NEB: variants seen among roughly 807,000 people sequenced by gnomAD.
NEB encodes nebulin.
NEB carries 512 observed loss-of-function variants against 952.2 expected under a neutral mutation model. That is an observed-to-expected ratio of 0.54 (90% CI 0.50 to 0.58). The LOEUF (loss-of-function observed/expected upper bound fraction) is 0.58, where lower values mean the gene tolerates loss of function less well. NEB is among the 20% of genes least tolerant of loss of function. The pLI is 0.00. For synonymous variants in NEB, 2,900 were observed against 3,149.8 expected, an observed-to-expected ratio of 0.92 and a Z score of 2.66; for missense variants, 8,428 against 9,231.1, an observed-to-expected ratio of 0.91 and a Z score of 3.56.
intron 63 of NEB, among the ~76,000 whole-genome samples, chr2:151,638,552 C>T (rs934581295): frequency 1.3e-5 from 2 of 152,198 alleles, no homozygotes; most frequent in Non-Finnish European, 2.9e-5. Context: ...TGACTCAATA[C>T]ATCAGAAGCT....
In NEB at chr2:151,640,634, G is replaced by A. The variant is rs377170982; in HGVS notation, c.8406C>T (p.Leu2802=). 1.2e-5 allele frequency: 20 copies of A among 1,613,482 alleles called. No homozygotes were observed. Among genetic ancestry groups the A allele is most frequent in the South Asian group, 3.3e-5 (3 of 91,068 alleles). ...FKYKEGYRKQ[L]GHHIGARAIR... ...TAGCTCGGGCACCAATGTGGTGGCC[G>A]AGCTGCTTACGATAGCCTTCTTTGT... is the stretch of plus-strand genomic sequence containing the variant. Residue 2802 remains leucine, a synonymous_variant, in exon 61 of 182, where the codon CTC becomes CTT. Transcript: ENST00000397345.
At chr2:151,583,133 A>G (rs1201624541) in intron 101 of NEB, among the ~76,000 whole-genome samples, 6 of 118,722 alleles carry the variant, frequency 5.1e-5, no homozygotes, top group African/African-American at 1.6e-4. Context: ...ATGAAATCCA[A>G]CATTTCCTTA....
chr2:151,625,395 A>G (rs2098503545), intron 71 of NEB, 139 bp downstream of exon 71: 2 of 488,574 alleles, frequency 4.1e-6, no homozygotes, highest in Non-Finnish European at 7.2e-6. Context: ...AATAATATGT[A>G]TATTCAAGGT....
chr2:151,727,692 G>A lies in NEB; in HGVS notation c.293C>T (p.Pro98Leu), dbSNP rs201473194. 1.1e-4 allele frequency: 173 copies of A among 1,611,016 alleles called. No homozygotes were observed. Among genetic ancestry groups the A allele is most frequent in the Middle Eastern group, 1.7e-4 (1 of 6,032 alleles). The change falls in exon 5 of 182, where the codon CCA (proline) becomes CTA (leucine). Residue 98 changes from proline (P) to leucine (L), a missense_variant and splice_region_variant. Pro to Leu is a moderately conservative substitution (Grantham distance 98). Around this residue, in one of 11 missense-constraint regions of NEB, gnomAD observed 2,851 missense variants for 2,791.5 expected, o/e 1.02. Transcript: ENST00000397345. ...HSQKMQDLFS[P>L]NKYKEKFEKT... The stretch of plus-strand genomic sequence containing the variant: ...TAGCAGAAGTTGTTTGAAACTTACT[G>A]GGCTAAAAAGATCCTGCATTTTCTG...
rs749915004 is a variant in NEB at position 151,617,472 on chromosome 2, C to CAA, written c.11077-6_11077-5dup. On this transcript the variant is annotated splice_region_variant and splice_polypyrimidine_tract_variant and intron_variant, in intron 74 of 181. Coordinates refer to ENST00000397345, the MANE Select transcript of NEB (RefSeq NM_001164508.2). ...CCCAGGCTTCAGTATATAAGCGCTA[C>CAA]AAAAAAAAAAAAAAAAGAGAGAGAG... 3.1e-3 allele frequency: 2,550 copies of CAA among 816,544 alleles called. No homozygotes were observed. The highest frequency in any genetic ancestry group is 6.7e-3 in the South Asian group (262 of 39,308). The allele number at this position is 816,544 out of a possible 1,614,324, so 50.6% of individuals were successfully genotyped here.
At chr2:151,635,466 G>A (rs1186763736) in intron 64 of NEB, among the ~76,000 whole-genome samples, 1 of 152,038 alleles carries the variant, frequency 6.6e-6, no homozygotes, top group Non-Finnish European at 1.5e-5. Context: ...CAGCACTTTG[G>A]GAGCCTGAGG....
In NEB at chr2:151,639,876, T is replaced by C; in HGVS notation, c.8870A>G (p.Asn2957Ser). 6.2e-7 allele frequency: 1 copy of C among 1,613,676 alleles called. No homozygotes were observed. The highest frequency in any genetic ancestry group is 8.5e-7 in the Non-Finnish European group (1 of 1,179,696). The change falls in exon 62 of 182, where the codon AAT (asparagine) becomes AGT (serine). Residue 2957 changes from asparagine (N) to serine (S), a missense_variant. Coordinates refer to ENST00000397345, the MANE Select transcript of NEB (RefSeq NM_001164508.2). ...DSLEQVLAKN[N>S]AITMNKRLYT... Reference sequence around the variant, plus strand: ...TCTCACCTTGTTCATAGTGATGGCATTATTTTTGGCCAACACTTGTTCCAG... The same window carrying C: ...TCTCACCTTGTTCATAGTGATGGCACTATTTTTGGCCAACACTTGTTCCAG...
chr2:151,652,915 C>T (rs1490266230), intron 52 of NEB, among the ~76,000 whole-genome samples: 1 of 152,164 alleles, frequency 6.6e-6, no homozygotes, highest in African/African-American at 2.4e-5. Context: ...TGAGTTTACA[C>T]ATCATTATTG....
At chr2:151,560,921 A>G in intron 123 of NEB, 83 bp downstream of exon 123, 1 of 854,758 alleles carries the variant, frequency 1.2e-6, no homozygotes, top group South Asian at 1.8e-5. Context: ...TTAGGGAAAG[A>G]GTGTCCATCC....
At chr2:151,729,408 G>A (rs1037203814) in intron 4 of NEB, among the ~76,000 whole-genome samples, 7 of 152,170 alleles carry the variant, frequency 4.6e-5, no homozygotes, top group Non-Finnish European at 7.4e-5. Context: ...GCCATCTTGC[G>A]TTTTTTGAAT....
intron 18 of NEB, among the ~76,000 whole-genome samples, chr2:151,695,340 C>A (rs2149288251): frequency 6.6e-6 from 1 of 152,232 alleles, no homozygotes; most frequent in Non-Finnish European, 1.5e-5. Context: ...ATTCTGAGGG[C>A]TGGTTACAAT....
In NEB at chr2:151,618,337, T is replaced by C. The variant is rs2098273766; in HGVS notation, c.11014A>G (p.Thr3672Ala). 6.2e-7 allele frequency: 1 copy of C among 1,613,856 alleles called. No individual in the cohort carries two copies. Among genetic ancestry groups the C allele is most frequent in the African/African-American group, 1.3e-5 (1 of 74,914 alleles). Residue 3672 changes from threonine to alanine, a missense_variant, in exon 74 of 182, where the codon ACC becomes GCC. Thr to Ala is a moderately conservative substitution (Grantham distance 58). Around this residue, in one of 11 missense-constraint regions of NEB, gnomAD observed 1,772 missense variants for 1,960.3 expected, o/e 0.90. Transcript: ENST00000397345. The part of the protein sequence containing the change: ...YRQRPETLKF[T>A]SITDTPEQVL... The stretch of plus-strand genomic sequence containing the variant: ...TGCTCCGGAGTGTCCGTTATACTGG[T>C]AAATTTCAGCGTTTCTGGACGCTGA...
intron 29 of NEB, 72 bp downstream of exon 29, chr2:151,682,590 A>C: frequency 8.2e-7 from 1 of 1,223,398 alleles, no homozygotes; most frequent in Non-Finnish European, 1.2e-6. Flanking sequence ...ATGAAGGAGC[A>C]CTGCCCATGC....
intron 119 of NEB, 35 bp from the exon 120 acceptor site, chr2:151,562,843 T>C (rs770585715): frequency 1.0e-5 from 15 of 1,440,358 alleles, no homozygotes; most frequent in East Asian, 5.0e-5. Flanking sequence ...AAGAAAGGGG[T>C]TTAAATGTAA....
In NEB at chr2:151,679,721, G is replaced by A. The variant is rs368625295; in HGVS notation, c.3255C>T (p.Asp1085=). ...CATGTATGACCACAGCTGGACTTAC[G>A]TCACTCGCCGCCTGCCTGGCAGCTT... ...AAKAARQAAS[D]VQYKKDYEKA... The change falls in exon 32 of 182, where the codon GAC becomes GAT. Residue 1085 remains aspartate, a splice_region_variant and synonymous_variant. Transcript: ENST00000397345. 226 of 1,365,930 alleles carry A rather than the reference G, an allele frequency of 1.7e-4. No homozygotes were observed. Among genetic ancestry groups the A allele is most frequent in the African/African-American group, 1.3e-3 (86 of 63,912 alleles). 84.6% of individuals were successfully genotyped at this position (1,365,930 alleles called of 1,614,324 possible).
At chr2:151,628,870 C>A (rs2098596050) in intron 68 of NEB, among the ~76,000 whole-genome samples, 1 of 146,728 alleles carries the variant, frequency 6.8e-6, no homozygotes. Context: ...GACTCTGTCT[C>A]AAACAAACAA....
chr2:151,627,794 T>A lies in NEB; in HGVS notation c.9872A>T (p.His3291Leu). Residue 3291 changes from histidine (H) to leucine (L), a missense_variant, in exon 69 of 182, where the codon CAC becomes CTC. Physicochemically the swap from His to Leu is moderately conservative, Grantham distance 99. Coordinates refer to ENST00000397345, the MANE Select transcript of NEB (RefSeq NM_001164508.2). The part of the protein sequence containing the change: ...KDGYRKQLGH[H>L]IGARNIEDDP... Reference sequence around the variant, plus strand: ...ATCTTCAATGTTCCGGGCTCCAATGTGGTGGCCGAGCTGCTTGCGGTAACC... The same window carrying A: ...ATCTTCAATGTTCCGGGCTCCAATGAGGTGGCCGAGCTGCTTGCGGTAACC... The A allele has an allele frequency of 5.6e-6, 9 of 1,613,984 alleles. No homozygotes were observed. The highest frequency in any genetic ancestry group is 7.6e-6 in the Non-Finnish European group (9 of 1,179,868).
intron 130 of NEB, among the ~76,000 whole-genome samples, chr2:151,548,994 C>T (rs570238837): frequency 3.3e-5 from 5 of 152,182 alleles, no homozygotes; most frequent in African/African-American, 1.2e-4. Context: ...CTGGGATGGC[C>T]ACGATTTCCC....
In NEB at chr2:151,533,544, T is replaced by C; in HGVS notation, c.21315A>G (p.Arg7105=). The change falls in exon 143 of 182, where the codon AGA becomes AGG. Residue 7105 remains arginine, a splice_region_variant and synonymous_variant. Coordinates refer to ENST00000397345, the MANE Select transcript of NEB (RefSeq NM_001164508.2). The part of the protein sequence containing the change: ...FKYATQLMNE[R]KYKSSAKMFL... ...ACATCTTGGCACTAGATTTATATTT[T>C]CTCTGTCCATGCAAAGAGCAGTGAA... is the stretch of plus-strand genomic sequence containing the variant. 6.5e-7 allele frequency: 1 copy of C among 1,546,636 alleles called. No homozygotes were observed. The highest frequency in any genetic ancestry group is 8.8e-7 in the Non-Finnish European group (1 of 1,142,664).
Sources: allele counts gnomAD v4.1 joint callset (sites outside exome capture counted in the v4.1 genomes callset), GRCh38; gene constraint gnomAD v4.1.1; regional missense constraint gnomAD v4.1.1; transcripts MANE v1.5; gene names NCBI Gene and HGNC (gene_info 2026-07-23, HGNC 2026-07-21).